EXOC4: variants seen among roughly 807,000 people sequenced by gnomAD.
EXOC4 encodes exocyst complex component 4, also known as SEC8-like 1.
Under a neutral mutation model 107.2 loss-of-function variants are expected in EXOC4, and 71 were observed. The ratio of observed to expected loss-of-function variants is 0.66; its 90% CI spans 0.55 to 0.81. The LOEUF (loss-of-function observed/expected upper bound fraction) is 0.81, where lower values mean the gene tolerates loss of function less well. EXOC4 is among the 30% of genes least tolerant of loss of function. The pLI, the probability that EXOC4 is intolerant of heterozygous loss-of-function variation, is 0.00. For synonymous variants in EXOC4, 456 were observed against 441.2 expected, an observed-to-expected ratio of 1.03 and a Z score of -0.42; for missense variants, 1,108 against 1,189.6, an observed-to-expected ratio of 0.93 and a Z score of 1.01.
chr7:133,750,301 G>C (rs1427439876), intron 10 of EXOC4, among the ~76,000 whole-genome samples: 1 of 151,934 alleles, frequency 6.6e-6, no homozygotes, highest in Admixed American at 6.6e-5. Flanking sequence ...TTTAGATCTC[G>C]ATGTGTTTAA....
chr7:133,523,439 CTTT>C (rs60649774), intron 9 of EXOC4, among the ~76,000 whole-genome samples: 1 of 143,332 alleles, frequency 7.0e-6, no homozygotes, highest in African/African-American at 2.6e-5. Context: ...CCTTTCAGTT[CTTT>C]TTTTTTTTTT....
intron 11 of EXOC4, among the ~76,000 whole-genome samples, chr7:133,844,416 A>T (rs1798083866): frequency 1.2e-5 from 1 of 86,886 alleles, no homozygotes; most frequent in Non-Finnish European, 2.0e-5. Flanking sequence ...TTTGAGATGG[A>T]GTCTTGCTCT....
At chr7:133,935,922 T>C (rs1271910823) in intron 13 of EXOC4, among the ~76,000 whole-genome samples, 1 of 152,198 alleles carries the variant, frequency 6.6e-6, no homozygotes, top group Non-Finnish European at 1.5e-5. Flanking sequence ...ATCCTTACAT[T>C]ACTTCATATC....
At chr7:133,520,205 CT>C (rs1356374642) in intron 9 of EXOC4, among the ~76,000 whole-genome samples, 1 of 152,120 alleles carries the variant, frequency 6.6e-6, no homozygotes. Context: ...GGCTAAAGTT[CT>C]TACCAGATAA....
chr7:133,856,543 A>C (rs940003815), intron 11 of EXOC4, among the ~76,000 whole-genome samples: 1 of 152,024 alleles, frequency 6.6e-6, no homozygotes, highest in African/African-American at 2.4e-5. Context: ...AGTATCCAAC[A>C]TGTAGTAGAG....
chr7:133,931,309 G>A (rs960773022), intron 13 of EXOC4, among the ~76,000 whole-genome samples: 8 of 151,588 alleles, frequency 5.3e-5, no homozygotes, highest in Non-Finnish European at 1.0e-4. Flanking sequence ...ATAAATACTT[G>A]TTGAATGAAT....
At chr7:133,870,440 CT>C (rs1798728047) in intron 11 of EXOC4, among the ~76,000 whole-genome samples, 2 of 152,172 alleles carry the variant, frequency 1.3e-5, no homozygotes, top group African/African-American at 4.8e-5. Flanking sequence ...TGATATTTGA[CT>C]TTTTCTTCTC....
At chr7:134,044,801 C>T (rs543163493) in intron 17 of EXOC4, among the ~76,000 whole-genome samples, 31 of 152,354 alleles carry the variant, frequency 2.0e-4, no homozygotes, top group African/African-American at 7.5e-4. Context: ...TTACAATCGA[C>T]ATAGGGCTTT....
intron 1 of EXOC4, among the ~76,000 whole-genome samples, chr7:133,261,323 G>A (rs577341310): frequency 1.3e-5 from 2 of 150,288 alleles, no homozygotes; most frequent in East Asian, 3.9e-4. Flanking sequence ...CTGGAGCGCA[G>A]TAGTGTGATC....
intron 13 of EXOC4, chr7:133,930,644 T>A (rs543291734): frequency 6.6e-6 from 1 of 152,204 alleles, no homozygotes; most frequent in Admixed American, 6.5e-5. Flanking sequence ...TCCTGCCCTC[T>A]GTGCCACTAA....
intron 17 of EXOC4, among the ~76,000 whole-genome samples, chr7:134,048,720 G>A (rs539509387): frequency 6.6e-6 from 1 of 152,294 alleles, no homozygotes; most frequent in Non-Finnish European, 1.5e-5. Context: ...TTGACCTGAA[G>A]GAGACATACT....
At chr7:134,038,535 T>C (rs1795444947) in intron 17 of EXOC4, among the ~76,000 whole-genome samples, 1 of 152,232 alleles carries the variant, frequency 6.6e-6, no homozygotes, top group Admixed American at 6.5e-5. Flanking sequence ...AATTAGTCTT[T>C]TTTGAGAAAT....
intron 11 of EXOC4, among the ~76,000 whole-genome samples, chr7:133,850,640 CCACA>C (rs58027331): frequency 6.7e-6 from 1 of 149,900 alleles, no homozygotes; most frequent in African/African-American, 2.4e-5. Flanking sequence ...GGTTACCCCC[CCACA>C]CACACACACA....
At chr7:133,824,853 G>T (rs901683059) in intron 11 of EXOC4, among the ~76,000 whole-genome samples, 3 of 152,038 alleles carry the variant, frequency 2.0e-5, no homozygotes, top group Admixed American at 1.3e-4. Context: ...TGGATTTAGG[G>T]TTTGTCTTAA....
At chr7:133,606,852 A>G (rs1257341401) in intron 9 of EXOC4, among the ~76,000 whole-genome samples, 2 of 152,058 alleles carry the variant, frequency 1.3e-5, no homozygotes, top group African/African-American at 2.4e-5. Flanking sequence ...CGTCTCCAGC[A>G]CATTGGTGTG....
chr7:133,745,661 G>A (rs7785187), intron 10 of EXOC4, among the ~76,000 whole-genome samples: 151,257 of 151,258 alleles, frequency 1, 75,628 homozygotes, highest in Non-Finnish European at 1. Flanking sequence ...AATAAAATAG[G>A]ACAAAATATT....
chr7:134,048,695 G>A (rs949336055), intron 17 of EXOC4, among the ~76,000 whole-genome samples: 6 of 152,130 alleles, frequency 3.9e-5, no homozygotes, highest in Non-Finnish European at 8.8e-5. Flanking sequence ...GTATTTTAAT[G>A]GCCCCAGGTC....
chr7:134,061,134 CCAGCGTGGAA>C (rs754680179), intron 17 of EXOC4, among the ~76,000 whole-genome samples: 1 of 152,130 alleles, frequency 6.6e-6, no homozygotes, highest in Non-Finnish European at 1.5e-5. Flanking sequence ...TTGTTTGCTC[CCAGCGTGGAA>C]CAATGGCCTC....
chr7:133,977,269 A>G (rs1224447988), intron 14 of EXOC4, among the ~76,000 whole-genome samples: 2 of 152,242 alleles, frequency 1.3e-5, no homozygotes, highest in African/African-American at 4.8e-5. Flanking sequence ...AAAGTTAAAA[A>G]GTAAAATAGT....
Sources: gnomAD v4.1 joint callset for allele counts (sites outside exome capture counted in the v4.1 genomes callset) on GRCh38, gnomAD v4.1.1 for gene constraint, MANE v1.5 for transcripts, NCBI Gene and HGNC (gene_info 2026-07-23, HGNC 2026-07-21) for gene names.